The following SLC25A25 variants were observed in gnomAD, a reference collection of about 807,000 sequenced individuals.
SLC25A25 encodes the protein solute carrier family 25 member 25.
SLC25A25 carries 32 observed loss-of-function variants against 57.7 expected under a neutral mutation model. The observed-to-expected ratio is 0.55, with a 90% CI of 0.42 to 0.74. The LOEUF (loss-of-function observed/expected upper bound fraction) is 0.74. Ranked by LOEUF, SLC25A25 falls within the 30% of genes least tolerant of loss-of-function variation. SLC25A25 has a pLI of 0.00. For synonymous variants in SLC25A25, 306 were observed against 291.2 expected (o/e 1.05, Z -0.52); for missense variants, 556 against 701.3 (o/e 0.79, Z 2.34).
intron 6 of SLC25A25, 61 bp from the exon 7 acceptor site, chr9:128,105,668 G>T: frequency 6.2e-7 from 1 of 1,610,628 alleles, no homozygotes; most frequent in South Asian, 1.1e-5. Flanking sequence ...AGAGGCTCTT[G>T]GCCGGGTGAG....
intron 1 of SLC25A25, among the ~76,000 whole-genome samples, chr9:128,078,349 A>G (rs1833063495): frequency 6.6e-6 from 1 of 152,158 alleles, no homozygotes; most frequent in Non-Finnish European, 1.5e-5. Flanking sequence ...GCGAAAGGCA[A>G]GGGAGGGCAA....
Position 128,106,157 on chromosome 9 carries a change from G to A in SLC25A25, c.944G>A (p.Arg315His), listed in dbSNP as rs770459495. 2.5e-6 allele frequency: 4 copies of A among 1,614,212 alleles called. No individual in the cohort carries two copies. The highest frequency in any genetic ancestry group is 1.7e-5 in the Admixed American group (1 of 60,026). ...IKFMAYEQIKRLVGSDQETLR... is the reference protein window; with the variant it reads ...IKFMAYEQIKHLVGSDQETLR... ...GTTTGTTCCTGGTTCTAGATCAAGC[G>A]CCTTGTTGGTAGTGACCAGGAGACT... The change falls in exon 8 of 11, where the codon CGC becomes CAC. Residue 315 changes from arginine (R) to histidine (H), a missense_variant. Around this residue, in one of 3 missense-constraint regions of SLC25A25, gnomAD observed 294 missense variants for 389.6 expected, o/e 0.75. Coordinates refer to ENST00000373069, the MANE Select transcript of SLC25A25 (RefSeq NM_001330988.2).
chr9:128,082,501 T>G (rs1833176944), intron 1 of SLC25A25, among the ~76,000 whole-genome samples: 1 of 152,218 alleles, frequency 6.6e-6, no homozygotes, highest in African/African-American at 2.4e-5. Flanking sequence ...GACATTCACC[T>G]GCTACAGTCC....
In SLC25A25 at chr9:128,101,035, C is replaced by T. The variant is rs1833770277; in HGVS notation, c.262-61C>T. ...GTCATTGCCTGGGGATGGGGCCCCA[C>T]AAGGGACAAGGAAAGGCTGGTCCAG... On this transcript the variant is annotated intron_variant, in intron 1 of 10. Transcript: ENST00000373069. This position sits in a 1 kb window ranked among gnomAD's most constrained non-coding sequence, Gnocchi z 4.9. 1.2e-6 allele frequency: 2 copies of T among 1,606,780 alleles called. No individual in the cohort carries two copies. Among genetic ancestry groups the T allele is most frequent in the Non-Finnish European group, 1.7e-6 (2 of 1,176,708 alleles).
intron 1 of SLC25A25, among the ~76,000 whole-genome samples, chr9:128,086,020 T>C (rs569327098): frequency 2.0e-5 from 3 of 152,238 alleles, no homozygotes; most frequent in African/African-American, 7.2e-5. Flanking sequence ...TTAATTCCAC[T>C]GTGGTCAAAG....
In SLC25A25 at chr9:128,107,986, A is replaced by G. The variant is rs1251004098; in HGVS notation, c.*542A>G. The G allele has an allele frequency of 2.5e-6, 1 of 398,792 alleles. No homozygotes were observed. The highest frequency in any genetic ancestry group is 4.4e-6 in the Non-Finnish European group (1 of 226,244). The allele number at this position is 398,792 out of a possible 1,614,324, so 24.7% of individuals were successfully genotyped here. On this transcript the variant is annotated 3_prime_UTR_variant, in exon 11 of 11. Transcript: ENST00000373069. ...CAGGCCTGACTTCCCAACCTACAGC[A>G]TTGACGCCAACTTGGCTGTGAAGGA... is the stretch of plus-strand genomic sequence containing the variant.
chr9:128,068,443 G>A lies in SLC25A25; in HGVS notation c.124G>A (p.Gly42Arg). Reference protein sequence around the residue: ...VGDPCGGAICGGPDHRLRLWR... With the variant: ...VGDPCGGAICRGPDHRLRLWR... ...GGACCCCTGCGGCGGCGCTATCTGCGGGGGCCCGGACCACCGGCTGCGCCT... is the reference window on the plus strand; with the variant it reads ...GGACCCCTGCGGCGGCGCTATCTGCAGGGGCCCGGACCACCGGCTGCGCCT... Residue 42 changes from glycine to arginine, a missense_variant, in exon 1 of 11, where the codon GGG (glycine) becomes AGG (arginine). By Grantham distance (125) the Gly-to-Arg change is moderately radical. Transcript: ENST00000373069. The A allele has an allele frequency of 6.4e-7, 1 of 1,557,158 alleles. No individual in the cohort carries two copies. Among genetic ancestry groups the A allele is most frequent in the Non-Finnish European group, 8.6e-7 (1 of 1,162,314 alleles).
chr9:128,093,398 C>T (rs899153623), intron 1 of SLC25A25, among the ~76,000 whole-genome samples: 7 of 152,198 alleles, frequency 4.6e-5, no homozygotes, highest in Admixed American at 1.3e-4. Flanking sequence ...ATGGCCGGCT[C>T]CTTTTAAAAT....
At chr9:128,098,511 T>C (rs766916465) in intron 1 of SLC25A25, 74 of 1,563,530 alleles carry the variant, frequency 4.7e-5, no homozygotes, top group Non-Finnish European at 6.3e-5. Context: ...ACCGGCAGCA[T>C]TTAGGGAACT....
chr9:128,085,854 T>C (rs1176057735), intron 1 of SLC25A25, among the ~76,000 whole-genome samples: 1 of 152,156 alleles, frequency 6.6e-6, no homozygotes, highest in East Asian at 1.9e-4. Flanking sequence ...AATTTCCAAA[T>C]ATTTAGGTAT....
At position 128,107,043 on chromosome 9, in the gene SLC25A25, C is replaced by T. The variant is rs148311002; in HGVS notation, c.1227C>T (p.Ala409=). 1 of 1,613,772 alleles carries T rather than the reference C, an allele frequency of 6.2e-7. No individual in the cohort carries two copies. The highest frequency in any genetic ancestry group is 1.3e-5 in the African/African-American group (1 of 74,908). ...TCTCCTTCTAGACGCTCAAGAATGCCTGGCTGCAGCACTATGCAGTGAACA... is the reference window on the plus strand; with the variant it reads ...TCTCCTTCTAGACGCTCAAGAATGCTTGGCTGCAGCACTATGCAGTGAACA... ...DLAVYETLKN[A]WLQHYAVNSA... is the part of the protein sequence containing the mutation. The change falls in exon 10 of 11, where the codon GCC becomes GCT. Residue 409 remains alanine, a synonymous_variant. Transcript: ENST00000373069.
chr9:128,069,629 T>C (rs1157838035), intron 1 of SLC25A25, among the ~76,000 whole-genome samples: 1 of 152,212 alleles, frequency 6.6e-6, no homozygotes, highest in Non-Finnish European at 1.5e-5. Context: ...TTAACTCATG[T>C]TCAAGATTCT....
intron 1 of SLC25A25, among the ~76,000 whole-genome samples, chr9:128,077,434 G>C (rs1456221368): frequency 6.6e-6 from 1 of 150,428 alleles, no homozygotes. Context: ...GGAGAATGGC[G>C]TGAACCCGGG....
At chr9:128,073,599 G>C (rs375420530) in intron 1 of SLC25A25, among the ~76,000 whole-genome samples, 3 of 152,068 alleles carry the variant, frequency 2.0e-5, no homozygotes, top group Non-Finnish European at 4.4e-5. Context: ...GACATTATTC[G>C]CTATAATATA....
intron 1 of SLC25A25, among the ~76,000 whole-genome samples, chr9:128,082,036 C>A (rs980059238): frequency 4.6e-5 from 7 of 152,178 alleles, no homozygotes; most frequent in Middle Eastern, 3.2e-3. Flanking sequence ...ATGCCTCTAA[C>A]TTTCTTGTAG....
At chr9:128,078,746 T>G (rs1833074167) in intron 1 of SLC25A25, among the ~76,000 whole-genome samples, 1 of 152,190 alleles carries the variant, frequency 6.6e-6, no homozygotes, top group African/African-American at 2.4e-5. Flanking sequence ...CAGCATTACT[T>G]TGCAGAAGTG....
rs1245932220 is a variant in SLC25A25, at chr9:128,108,902, G to A, written c.*1458G>A. ...TCCAGTTATTTCCTGCGCTGCGAGG[G>A]TTTCTTTATTTCACTCTTTTCTGAA... On this transcript the variant is annotated 3_prime_UTR_variant, in exon 11 of 11. Coordinates refer to ENST00000373069, the MANE Select transcript of SLC25A25 (RefSeq NM_001330988.2). The A allele has an allele frequency of 2.0e-5, 3 of 148,904 alleles. No homozygotes were observed. Among genetic ancestry groups the A allele is most frequent in the Non-Finnish European group, 3.0e-5 (2 of 67,412 alleles). The allele number at this position is 148,904 out of a possible 1,614,324, so 9.2% of individuals were successfully genotyped here.
chr9:128,091,675 G>A (rs2130802572), intron 1 of SLC25A25: 1 of 1,287,312 alleles, frequency 7.8e-7, no homozygotes, highest in Non-Finnish European at 9.8e-7. Context: ...CTTAGAGTGA[G>A]CTACTTCTCA....
chr9:128,098,656 G>A lies in SLC25A25; in HGVS notation c.262-2440G>A, dbSNP rs1833649164. The A allele has an allele frequency of 1.9e-6, 3 of 1,614,024 alleles. No homozygotes were observed. The South Asian group carries it at 3.3e-5, about 18-fold the overall frequency. Reference sequence around the variant, plus strand: ...AGTCGAAGGGGCTCCCTGCCGAGCTGAAGTCCATTTTCAAGCTCAGTGTCT... The same window carrying A: ...AGTCGAAGGGGCTCCCTGCCGAGCTAAAGTCCATTTTCAAGCTCAGTGTCT... On this transcript the variant is annotated intron_variant, in intron 1 of 10. Coordinates refer to ENST00000373069, the MANE Select transcript of SLC25A25 (RefSeq NM_001330988.2).
Sources: gnomAD v4.1 joint callset for allele counts (sites outside exome capture counted in the v4.1 genomes callset) on GRCh38, gnomAD v4.1.1 for gene constraint, gnomAD v4.1.1 regional missense constraint, Gnocchi (gnomAD v3.1) non-coding constraint, MANE v1.5 for transcripts, NCBI Gene and HGNC (gene_info 2026-07-23, HGNC 2026-07-21) for gene names.